Variants in ATP2C1 observed in about 807,000 individuals in gnomAD.
ATP2C1 encodes the protein ATPase secretory pathway Ca2+ transporting 1.
Under a neutral mutation model 120.5 loss-of-function variants are expected in ATP2C1, and 31 were observed. That is an observed-to-expected ratio of 0.26 (90% confidence interval 0.19 to 0.35). The LOEUF is 0.35. Ranked by LOEUF, ATP2C1 falls within the 10% of genes least tolerant of loss-of-function variation. The probability of loss-of-function intolerance (pLI) is 1.00; values close to 1 mark genes in which losing one functional copy is unlikely to be tolerated. For missense variants in ATP2C1, 731 were observed against 1,107.5 expected (o/e 0.66, Z 4.83); for synonymous variants, 351 against 358.7 (o/e 0.98, Z 0.24).
At chr3:131,015,621 A>G (rs528485322) in intron 26 of ATP2C1, among the ~76,000 whole-genome samples, 1 of 152,322 alleles carries the variant, frequency 6.6e-6, no homozygotes, top group African/African-American at 2.4e-5. Context: ...AAGCTCCATT[A>G]GAGCTGAGAT....
chr3:130,994,021 G>A lies in ATP2C1; in HGVS notation c.1980G>A (p.Ala660=), dbSNP rs765962276. ...TGAAGGCTGCAGACATTGGAGTTGC[G>A]ATGGGCCAGACTGGTACAGATGTTT... ...VALKAADIGV[A]MGQTGTDVCK... is the part of the protein sequence containing the mutation. Residue 660 remains alanine, a synonymous_variant, in exon 22 of 28, where the codon GCG becomes GCA. Coordinates refer to ENST00000510168, the MANE Select transcript of ATP2C1 (RefSeq NM_001378687.1). The A allele has an allele frequency of 1.4e-5, 22 of 1,613,984 alleles. No homozygotes were observed. In the Admixed American group the frequency reaches 3.5e-4, roughly 26 times the overall value.
chr3:130,939,737 T>G (rs2059814321), intron 6 of ATP2C1, among the ~76,000 whole-genome samples: 2 of 152,188 alleles, frequency 1.3e-5, no homozygotes, highest in South Asian at 4.1e-4. Flanking sequence ...ACTCTAAGAT[T>G]AAGTAGAGAC....
rs536844995 is a variant in ATP2C1 at position 131,011,245 on chromosome 3, C to T, written c.2630-4907C>T. Among the ~76,000 whole-genome samples, 4 of 152,230 alleles carry T rather than the reference C, an allele frequency of 2.6e-5. No individual in the cohort carries two copies. In the East Asian group the frequency reaches 7.7e-4, roughly 29 times the overall value. Reference sequence around the variant, plus strand: ...GGATGCATATTAAACTTTCAAGGTCCAGGTGTCTCAAAAAGTGCTTTTAAA... The same window carrying T: ...GGATGCATATTAAACTTTCAAGGTCTAGGTGTCTCAAAAAGTGCTTTTAAA... On this transcript the variant is annotated intron_variant, in intron 26 of 26. Coordinates refer to the ATP2C1 transcript ENST00000328560.
intron 2 of ATP2C1, among the ~76,000 whole-genome samples, chr3:130,920,674 C>T (rs950564637): frequency 2.6e-4 from 39 of 152,046 alleles, no homozygotes; most frequent in African/African-American, 8.9e-4. Context: ...TTTTGTGGTT[C>T]CATATGAATT....
chr3:130,919,508 C>A (rs1448853158), intron 2 of ATP2C1, among the ~76,000 whole-genome samples: 1 of 152,130 alleles, frequency 6.6e-6, no homozygotes, highest in African/African-American at 2.4e-5. Context: ...CATGAGCTAC[C>A]ACGCCCGGCC....
At chr3:130,902,402 A>G (rs941968263) in intron 2 of ATP2C1, among the ~76,000 whole-genome samples, 6 of 143,418 alleles carry the variant, frequency 4.2e-5, no homozygotes, top group African/African-American at 1.6e-4. Flanking sequence ...TTATCAAATT[A>G]TGATTTTGAT....
intron 2 of ATP2C1, among the ~76,000 whole-genome samples, chr3:130,926,909 T>C (rs1043918922): frequency 1.3e-5 from 2 of 152,218 alleles, no homozygotes; most frequent in African/African-American, 4.8e-5. Context: ...GTACACATAG[T>C]AGGAATTATA....
At chr3:130,972,573 T>G (rs571676141) in intron 17 of ATP2C1, among the ~76,000 whole-genome samples, 4 of 150,086 alleles carry the variant, frequency 2.7e-5, no homozygotes, top group Non-Finnish European at 5.9e-5. Context: ...GCTGCACCCA[T>G]TAACTCATCA....
intron 11 of ATP2C1, among the ~76,000 whole-genome samples, chr3:130,956,809 G>C (rs1034971971): frequency 3.3e-5 from 5 of 152,040 alleles, no homozygotes; most frequent in Non-Finnish European, 5.9e-5. Flanking sequence ...CATTATTAGG[G>C]AAACCGAATG....
chr3:130,980,404 A>G (rs1357334749), intron 19 of ATP2C1, among the ~76,000 whole-genome samples, 178 bp from the exon 20 acceptor site: 2 of 152,128 alleles, frequency 1.3e-5, no homozygotes, highest in Admixed American at 1.3e-4. Context: ...CTTAAATTTA[A>G]ACAAAAATGA....
In ATP2C1 at chr3:130,996,612, A is replaced by G. The variant is rs115235644; in HGVS notation, c.2127-68A>G. ...GTAGTAAGAGATTTTTAAATGCTAA[A>G]AAAGTGGTATCATAGAATCAACAGA... is the stretch of plus-strand genomic sequence containing the variant. On this transcript the variant is annotated intron_variant, in intron 23 of 27. Coordinates refer to ENST00000510168, the MANE Select transcript of ATP2C1 (RefSeq NM_001378687.1). 1,238 of 1,052,166 alleles carry G rather than the reference A, an allele frequency of 1.2e-3. 16 individuals carry two copies. The African/African-American group carries it at 0.017, about 15-fold the overall frequency. 65.2% of individuals were successfully genotyped at this position (1,052,166 alleles called of 1,614,324 possible).
chr3:131,001,546 C>A lies in ATP2C1; in HGVS notation c.*196C>A. The A allele has an allele frequency of 7.8e-7, 1 of 1,282,962 alleles. No individual in the cohort carries two copies. The highest frequency in any genetic ancestry group is 1.8e-5 in the South Asian group (1 of 54,342). 79.5% of individuals were successfully genotyped at this position (1,282,962 alleles called of 1,614,324 possible). The stretch of plus-strand genomic sequence containing the variant: ...AATTATGCAACTTTGATATCATATT[C>A]CTTGATTTAAATTGGCTTTTGTGAT... On this transcript the variant is annotated 3_prime_UTR_variant, in exon 28 of 28. Transcript: ENST00000510168.
rs1265134268 is a variant in ATP2C1, at chr3:130,997,762, A to G, written c.2391+9A>G. 1 of 1,612,916 alleles carries G rather than the reference A, an allele frequency of 6.2e-7. No individual in the cohort carries two copies. The highest frequency in any genetic ancestry group is 8.5e-7 in the Non-Finnish European group (1 of 1,179,416). The stretch of plus-strand genomic sequence containing the variant: ...TTGTCTTCTGGCGTGAGGTATATTC[A>G]CTGGCCAAGCTGCTATATTAACATG... On this transcript the variant is annotated intron_variant, in intron 25 of 27. Transcript: ENST00000510168.
intron 20 of ATP2C1, 149 bp from the exon 21 acceptor site, chr3:130,992,802 A>G (rs2062416952): frequency 1.5e-6 from 1 of 673,126 alleles, no homozygotes; most frequent in Admixed American, 2.1e-5. Context: ...TGTCTTAACA[A>G]ACATATGTCA....
chr3:130,967,123 G>A, intron 14 of ATP2C1, 22 bp from the exon 15 acceptor site: 1 of 1,574,964 alleles, frequency 6.3e-7, no homozygotes, highest in Middle Eastern at 1.7e-4. Flanking sequence ...TTGTATTATT[G>A]ATCCCACTTT....
chr3:130,969,213 A>G, intron 16 of ATP2C1, 79 bp from the exon 17 acceptor site: 6 of 941,204 alleles, frequency 6.4e-6, no homozygotes, highest in Non-Finnish European at 8.7e-6. Flanking sequence ...CCTAGTTACA[A>G]GTGGTGACCC....
chr3:130,951,429 A>G (rs2060364519), intron 8 of ATP2C1, among the ~76,000 whole-genome samples: 1 of 152,166 alleles, frequency 6.6e-6, no homozygotes, highest in Admixed American at 6.5e-5. Context: ...AAATGTGATA[A>G]TTTAGCATAG....
intron 8 of ATP2C1, among the ~76,000 whole-genome samples, chr3:130,943,949 G>T (rs2060029279): frequency 6.6e-6 from 1 of 152,162 alleles, no homozygotes; most frequent in African/African-American, 2.4e-5. Context: ...GCTCAGTTTG[G>T]CTGTGGTGAT....
chr3:130,901,012 G>A (rs531894717), intron 2 of ATP2C1, among the ~76,000 whole-genome samples: 1 of 152,174 alleles, frequency 6.6e-6, no homozygotes, highest in African/African-American at 2.4e-5. Flanking sequence ...ATATTAGTTG[G>A]CTTAATTAAG....
Sources: allele counts gnomAD v4.1 joint callset (sites outside exome capture counted in the v4.1 genomes callset), GRCh38; gene constraint gnomAD v4.1.1; transcripts MANE v1.5; gene names NCBI Gene and HGNC (gene_info 2026-07-23, HGNC 2026-07-21).